Variants in LRIG2 observed in about 807,000 individuals in gnomAD.
LRIG2 encodes the protein leucine rich repeats and immunoglobulin like domains 2.
Under a neutral mutation model 107.8 loss-of-function variants are expected in LRIG2, and 93 were observed. The observed-to-expected ratio is 0.86, with a 90% CI of 0.73 to 1.03. The LOEUF (loss-of-function observed/expected upper bound fraction) is 1.03. LRIG2 is among the 50% of genes least tolerant of loss of function. LRIG2 has a pLI of 0.00. For missense variants in LRIG2, 1,226 were observed against 1,296.0 expected, an observed-to-expected ratio of 0.95 and a Z score of 0.83; for synonymous variants, 471 against 470.6, an observed-to-expected ratio of 1.00 and a Z score of -0.01.
intron 17 of LRIG2, among the ~76,000 whole-genome samples, chr1:113,120,965 T>A (rs1371067037): frequency 6.6e-6 from 1 of 152,006 alleles, no homozygotes; most frequent in Non-Finnish European, 1.5e-5. Context: ...ATTACAGGCA[T>A]GTGCAACCAC....
intron 11 of LRIG2, chr1:113,103,536 T>C (rs1159157725): frequency 6.6e-6 from 1 of 152,272 alleles, no homozygotes; most frequent in East Asian, 1.9e-4. Flanking sequence ...CCTATATCTA[T>C]TGAGATGATC....
chr1:113,098,556 A>C (rs1233591204), intron 8 of LRIG2, 149 bp from the exon 9 acceptor site: 2 of 586,076 alleles, frequency 3.4e-6, no homozygotes, highest in African/African-American at 3.7e-5. Flanking sequence ...ATTTCTTAAG[A>C]AGCAGAGTTG....
At chr1:113,103,723 CG>C (rs1186602824) in intron 11 of LRIG2, 2 of 152,380 alleles carry the variant, frequency 1.3e-5, no homozygotes, top group Non-Finnish European at 2.9e-5. Context: ...ACTGATAGAT[CG>C]GGGATCCAAT....
intron 7 of LRIG2, 84 bp downstream of exon 7, chr1:113,096,101 G>T: frequency 1.3e-6 from 2 of 1,585,010 alleles, no homozygotes; most frequent in South Asian, 2.2e-5. Context: ...GTAATGAGAT[G>T]TAACATCCCT....
rs1033924069 is a variant in LRIG2, at chr1:113,126,231, T to C, written c.*2130T>C. On this transcript the variant is annotated 3_prime_UTR_variant, in exon 18 of 18. Coordinates refer to ENST00000361127, the MANE Select transcript of LRIG2 (RefSeq NM_014813.3). ...AGTTCTAGAAAATCTCTGTCTCATT[T>C]ACCAGGGGTCATTCAAAAGTCTGAG... 1.3e-5 allele frequency: 2 copies of C among 152,258 alleles called. No homozygotes were observed. Among genetic ancestry groups the C allele is most frequent in the Admixed American group, 1.3e-4 (2 of 15,274 alleles). 9.4% of individuals were successfully genotyped at this position (152,258 alleles called of 1,614,324 possible). A position where few individuals can be genotyped will look rare whatever the true frequency, so the allele number is the denominator to read the frequency against.
At chr1:113,089,586 T>TGC in intron 1 of LRIG2, among the ~76,000 whole-genome samples, 1 of 152,024 alleles carries the variant, frequency 6.6e-6, no homozygotes, top group East Asian at 1.9e-4. Context: ...AGAATGCCTG[T>TGC]CTGCCTTTAT....
At chr1:113,104,520 GTCT>G (rs1654448804) in intron 11 of LRIG2, among the ~76,000 whole-genome samples, 1 of 151,502 alleles carries the variant, frequency 6.6e-6, no homozygotes, top group Admixed American at 6.6e-5. Flanking sequence ...CAAAATAAAA[GTCT>G]TTTTTTTTTT....
chr1:113,114,923 A>AT (rs1654941576), intron 15 of LRIG2, 47 bp downstream of exon 15: 1 of 1,426,212 alleles, frequency 7.0e-7, no homozygotes, highest in South Asian at 1.3e-5. Flanking sequence ...TCAGTCAAGA[A>AT]TGTAGTATAG....
intron 14 of LRIG2, among the ~76,000 whole-genome samples, chr1:113,113,085 C>T (rs1020045223): frequency 6.6e-6 from 1 of 151,806 alleles, no homozygotes; most frequent in Non-Finnish European, 1.5e-5. Context: ...ACTGAGTTTG[C>T]ATTGAGAGTT....
At chr1:113,087,733 G>A (rs570561648) in intron 1 of LRIG2, among the ~76,000 whole-genome samples, 2 of 152,296 alleles carry the variant, frequency 1.3e-5, no homozygotes, top group East Asian at 3.9e-4. Flanking sequence ...CGGGGAACAC[G>A]AGTATGCCTG....
intron 15 of LRIG2, 83 bp from the exon 16 acceptor site, chr1:113,116,204 A>G: frequency 1.6e-6 from 2 of 1,224,896 alleles, no homozygotes; most frequent in South Asian, 1.5e-5. Context: ...AATAGTATCA[A>G]AGTGGAACAC....
At chr1:113,121,387 C>T (rs1655247198) in intron 17 of LRIG2, among the ~76,000 whole-genome samples, 1 of 152,104 alleles carries the variant, frequency 6.6e-6, no homozygotes, top group Non-Finnish European at 1.5e-5. Flanking sequence ...TCTTCCTGTC[C>T]ATCCAAGCTT....
Position 113,131,278 on chromosome 1 carries a change from C to G in LRIG2, c.*7177C>G, listed in dbSNP as rs1655695046. 6.6e-6 allele frequency: 1 copy of G among 152,090 alleles called. No individual in the cohort carries two copies. The highest frequency in any genetic ancestry group is 2.4e-5 in the African/African-American group (1 of 41,400). 9.4% of individuals were successfully genotyped at this position (152,090 alleles called of 1,614,324 possible). ...CTTGTTTCTTCTTATCTGTGGGACT[C>G]CAATTAGAATGGGGTTGAGATTGTG... On this transcript the variant is annotated 3_prime_UTR_variant, in exon 18 of 18. Transcript: ENST00000361127.
chr1:113,095,850 T>G (rs763667403), intron 6 of LRIG2, 24 bp from the exon 7 acceptor site: 4 of 1,613,784 alleles, frequency 2.5e-6, no homozygotes, highest in Middle Eastern at 3.3e-4. Flanking sequence ...GAACGTATTT[T>G]CTTCTCTTTC....
At chr1:113,123,816 G>C in intron 17 of LRIG2, 59 bp from the exon 18 acceptor site, 1 of 1,343,898 alleles carries the variant, frequency 7.4e-7, no homozygotes, top group Non-Finnish European at 1.0e-6. Context: ...TGAGGATTTG[G>C]CTAAAAGGAT....
intron 17 of LRIG2, among the ~76,000 whole-genome samples, chr1:113,120,295 C>G (rs1030258753): frequency 6.6e-6 from 1 of 150,944 alleles, no homozygotes; most frequent in Non-Finnish European, 1.5e-5. Context: ...ACTAAAAATA[C>G]AAAAATTAGC....
rs564111108 is a variant in LRIG2, at chr1:113,116,560, G to A, written c.2680+124G>A. On this transcript the variant is annotated intron_variant, in intron 16 of 17. Transcript: ENST00000361127. Reference sequence around the variant, plus strand: ...GTAAGATACCTAATGAAAGCATTTAGCCACATGCAAAATAGGATGAAAATT... The same window carrying A: ...GTAAGATACCTAATGAAAGCATTTAACCACATGCAAAATAGGATGAAAATT... The A allele has an allele frequency of 5.2e-4, 445 of 855,830 alleles. 1 individual carries two copies. Among genetic ancestry groups the A allele is most frequent in the Non-Finnish European group, 7.5e-4 (420 of 563,610 alleles). 53.0% of individuals were successfully genotyped at this position (855,830 alleles called of 1,614,324 possible).
intron 1 of LRIG2, among the ~76,000 whole-genome samples, chr1:113,074,406 T>G (rs1652861552): frequency 6.6e-6 from 1 of 152,208 alleles, no homozygotes; most frequent in African/African-American, 2.4e-5. Flanking sequence ...GAGTTTCCAC[T>G]GTTGAGTTTT....
chr1:113,116,171 A>C, intron 15 of LRIG2, 116 bp from the exon 16 acceptor site: 3 of 704,024 alleles, frequency 4.3e-6, no homozygotes, highest in Non-Finnish European at 7.0e-6. Flanking sequence ...TTGCGGTCCT[A>C]GGTACGTACA....
Sources: gnomAD v4.1 joint callset for allele counts (sites outside exome capture counted in the v4.1 genomes callset) on GRCh38, gnomAD v4.1.1 for gene constraint, MANE v1.5 for transcripts, NCBI Gene and HGNC (gene_info 2026-07-23, HGNC 2026-07-21) for gene names.